EPC2: variants seen among roughly 807,000 people sequenced by gnomAD.
EPC2 encodes enhancer of polycomb homolog 2.
EPC2 carries 14 observed loss-of-function variants against 92.1 expected under a neutral mutation model. The observed-to-expected ratio is 0.15, with a 90% confidence interval of 0.10 to 0.24. EPC2 has a LOEUF of 0.24. EPC2 is among the 10% of genes least tolerant of loss of function. EPC2 has a pLI of 1.00. For missense variants in EPC2, 755 were observed against 971.5 expected, an observed-to-expected ratio of 0.78 and a Z score of 2.96; for synonymous variants, 340 against 334.7, an observed-to-expected ratio of 1.02 and a Z score of -0.17.
In EPC2 at chr2:148,644,834, G is replaced by GT; in HGVS notation, c.-184_-183insT. On this transcript the variant is annotated 5_prime_UTR_variant, in exon 1 of 14. Transcript: ENST00000258484. ...ATCTAGTGTGTGGAGGCGGCCGCGG[G>GT]CGCGGGGGGCTGTTTTCGGGCGGGG... 1 of 388,590 alleles carries GT rather than the reference G, an allele frequency of 2.6e-6. No individual in the cohort carries two copies. Among genetic ancestry groups the GT allele is most frequent in the Non-Finnish European group, 4.2e-6 (1 of 237,556 alleles). The allele number at this position is 388,590 out of a possible 1,614,324, so 24.1% of individuals were successfully genotyped here.
At chr2:148,728,245 A>T (rs1472516376) in intron 2 of EPC2, among the ~76,000 whole-genome samples, 1 of 152,166 alleles carries the variant, frequency 6.6e-6, no homozygotes, top group African/African-American at 2.4e-5. Flanking sequence ...CCTGCCAAGA[A>T]AGTGTATTTT....
chr2:148,758,159 TGTGGGTGG>T (rs919202664), intron 4 of EPC2, among the ~76,000 whole-genome samples: 6 of 17,092 alleles, frequency 3.5e-4, no homozygotes, highest in Middle Eastern at 0.033. Flanking sequence ...TCCATACTGA[TGTGGGTGG>T]GTGGGTGGGT....
chr2:148,691,641 C>T lies in EPC2; in HGVS notation c.313+1268C>T, dbSNP rs771782239. 11 of 1,545,234 alleles carry T rather than the reference C, an allele frequency of 7.1e-6. No individual in the cohort carries two copies. The South Asian group carries it at 1.1e-4, about 15-fold the overall frequency. ...GCCAGGCATTTGGGGACACTACCAA[C>T]CGGAGACCACGTTAAAGTTTTTGCT... is the stretch of plus-strand genomic sequence containing the variant. On this transcript the variant is annotated intron_variant, in intron 2 of 13. Transcript: ENST00000258484.
chr2:148,770,943 G>C lies in EPC2; in HGVS notation c.1376+6G>C. Reference sequence around the variant, plus strand: ...CGAATTGGCAGAGGTGGAAGGTGAAGTATTTGTTTTCACCTGGTTTTTGTT... The same window carrying C: ...CGAATTGGCAGAGGTGGAAGGTGAACTATTTGTTTTCACCTGGTTTTTGTT... On this transcript the variant is annotated splice_donor_region_variant and intron_variant, in intron 9 of 13. Coordinates refer to ENST00000258484, the MANE Select transcript of EPC2 (RefSeq NM_015630.4). 1 of 1,607,078 alleles carries C rather than the reference G, an allele frequency of 6.2e-7. No homozygotes were observed. The highest frequency in any genetic ancestry group is 8.5e-7 in the Non-Finnish European group (1 of 1,178,128).
chr2:148,675,963 A>G (rs993567179), intron 1 of EPC2, among the ~76,000 whole-genome samples: 2 of 152,180 alleles, frequency 1.3e-5, no homozygotes, highest in African/African-American at 4.8e-5. Context: ...TAAGATGGAA[A>G]AGCGCCAGAC....
At chr2:148,726,548 C>T (rs1682497578) in intron 2 of EPC2, among the ~76,000 whole-genome samples, 1 of 152,030 alleles carries the variant, frequency 6.6e-6, no homozygotes, top group Non-Finnish European at 1.5e-5. Flanking sequence ...TTGCATTTCC[C>T]TGATGATTAC....
At chr2:148,705,342 G>A (rs188293319) in intron 2 of EPC2, among the ~76,000 whole-genome samples, 6 of 152,258 alleles carry the variant, frequency 3.9e-5, no homozygotes, top group African/African-American at 1.4e-4. Context: ...GTTGAGTGAT[G>A]ATAAGTTTTA....
At chr2:148,764,911 A>C in intron 6 of EPC2, 44 bp from the exon 7 acceptor site, 2 of 1,333,572 alleles carry the variant, frequency 1.5e-6, no homozygotes, top group Non-Finnish European at 2.0e-6. Flanking sequence ...TTCTAAAATG[A>C]TTTTTATTTC....
chr2:148,665,166 C>T (rs1258819832), intron 1 of EPC2, among the ~76,000 whole-genome samples: 2 of 152,266 alleles, frequency 1.3e-5, no homozygotes, highest in Non-Finnish European at 2.9e-5. Context: ...CTGTCTTTTT[C>T]ACAACTTTGG....
chr2:148,731,913 GGTTTAATTTA>G (rs1402152909), intron 2 of EPC2, among the ~76,000 whole-genome samples: 1 of 152,286 alleles, frequency 6.6e-6, no homozygotes, highest in African/African-American at 2.4e-5. Flanking sequence ...TGATTAGAAA[GGTTTAATTTA>G]GCTTCTGTGT....
intron 2 of EPC2, among the ~76,000 whole-genome samples, chr2:148,705,819 C>T (rs1316984886): frequency 6.6e-6 from 1 of 152,124 alleles, no homozygotes; most frequent in South Asian, 2.1e-4. Context: ...ACCAAAAGGA[C>T]ATCCACACCA....
chr2:148,690,393 G>T lies in EPC2; in HGVS notation c.313+20G>T. The T allele has an allele frequency of 6.4e-7, 1 of 1,553,738 alleles. No individual in the cohort carries two copies. The highest frequency in any genetic ancestry group is 8.7e-7 in the Non-Finnish European group (1 of 1,154,578). On this transcript the variant is annotated intron_variant, in intron 2 of 13. Transcript: ENST00000258484. ...TTCAGCGTAAGTTTGTTAATTCATT[G>T]TTTTCTGTTTGTACTTTAAATTTAT... is the stretch of plus-strand genomic sequence containing the variant.
intron 3 of EPC2, among the ~76,000 whole-genome samples, chr2:148,745,173 A>G (rs1682961895): frequency 1.3e-5 from 2 of 152,128 alleles, no homozygotes; most frequent in Admixed American, 6.5e-5. Flanking sequence ...GGTGACTTAC[A>G]GTTTTCCTGG....
intron 2 of EPC2, among the ~76,000 whole-genome samples, chr2:148,695,775 A>G (rs1440243270): frequency 3.3e-5 from 5 of 152,244 alleles, no homozygotes; most frequent in Non-Finnish European, 1.5e-5. Context: ...AAAAAATACT[A>G]TTGGATGTGT....
intron 4 of EPC2, among the ~76,000 whole-genome samples, chr2:148,755,053 A>G (rs1339811548): frequency 6.6e-6 from 1 of 152,218 alleles, no homozygotes; most frequent in Non-Finnish European, 1.5e-5. Context: ...AGCTGTTAAT[A>G]TAACAGCTGT....
intron 11 of EPC2, among the ~76,000 whole-genome samples, chr2:148,783,008 A>T (rs1051221173): frequency 2.6e-5 from 4 of 152,226 alleles, no homozygotes; most frequent in African/African-American, 9.6e-5. Context: ...GACTCCAGTA[A>T]CATGAAAATC....
chr2:148,732,642 A>G (rs536928881), intron 2 of EPC2, among the ~76,000 whole-genome samples: 10 of 152,070 alleles, frequency 6.6e-5, no homozygotes, highest in Non-Finnish European at 1.0e-4. Context: ...TGGCCTTCCA[A>G]AGTGCTGGGA....
chr2:148,656,355 A>G (rs917522299), intron 1 of EPC2, among the ~76,000 whole-genome samples: 15 of 152,124 alleles, frequency 9.9e-5, no homozygotes, highest in African/African-American at 2.2e-4. Context: ...CATTGTGCAT[A>G]GTGCTTGTAT....
At chr2:148,754,348 A>G (rs1015010236) in intron 4 of EPC2, among the ~76,000 whole-genome samples, 2 of 152,168 alleles carry the variant, frequency 1.3e-5, no homozygotes, top group East Asian at 1.9e-4. Flanking sequence ...AGTAGCTTCT[A>G]TTGGCCAGTT....
Sources: allele counts gnomAD v4.1 joint callset (sites outside exome capture counted in the v4.1 genomes callset), GRCh38; gene constraint gnomAD v4.1.1; transcripts MANE v1.5; gene names NCBI Gene and HGNC (gene_info 2026-07-23, HGNC 2026-07-21).